The following PROM1 variants were observed in gnomAD, a reference collection of about 807,000 sequenced individuals.
PROM1 encodes the protein prominin 1, also known as prominin-1.
A neutral mutation model predicts 116.9 loss-of-function variants in PROM1; 105 were observed. The ratio of observed to expected loss-of-function variants is 0.90; its 90% CI spans 0.77 to 1.06. The LOEUF (loss-of-function observed/expected upper bound fraction) is 1.06. PROM1 is among the 50% of genes least tolerant of loss of function. The pLI, the probability that PROM1 is intolerant of heterozygous loss-of-function variation, is 0.00. For synonymous variants in PROM1, 393 were observed against 387.0 expected (o/e 1.02, Z -0.18); for missense variants, 1,122 against 1,045.2 (o/e 1.07, Z -1.01).
chr4:16,029,816 T>A (rs1732231718), intron 5 of PROM1, among the ~76,000 whole-genome samples: 1 of 152,242 alleles, frequency 6.6e-6, no homozygotes, highest in African/African-American at 2.4e-5. Context: ...AAGAATTTTT[T>A]AAAAATCACA....
intron 3 of PROM1, chr4:16,037,921 T>C (rs927715929): frequency 1.3e-5 from 2 of 152,238 alleles, no homozygotes; most frequent in African/African-American, 2.4e-5. Context: ...GAAAATACTA[T>C]GGATTCACTC....
chr4:16,049,208 T>C (rs758214363), intron 2 of PROM1, among the ~76,000 whole-genome samples: 1 of 152,254 alleles, frequency 6.6e-6, no homozygotes, highest in Non-Finnish European at 1.5e-5. Flanking sequence ...GTCCCTGCTG[T>C]TCCTGGGGGA....
intron 2 of PROM1, among the ~76,000 whole-genome samples, chr4:16,047,173 T>C (rs770231528): frequency 1.3e-5 from 2 of 152,082 alleles, no homozygotes; most frequent in Non-Finnish European, 2.9e-5. Flanking sequence ...TTTCAACTGA[T>C]TGGATGAGGC....
chr4:15,980,857 C>T (rs12649852), intron 23 of PROM1, among the ~76,000 whole-genome samples: 40,747 of 151,990 alleles, frequency 0.27, 5,586 homozygotes, highest in Admixed American at 0.34. Flanking sequence ...CTTCTAACCA[C>T]CCCAAACAGA....
intron 15 of PROM1, among the ~76,000 whole-genome samples, chr4:15,996,335 C>A (rs1343912531): frequency 6.6e-6 from 1 of 152,086 alleles, no homozygotes; most frequent in Admixed American, 6.5e-5. Flanking sequence ...CATGGTGAAA[C>A]CCCATCTCTA....
intron 16 of PROM1, among the ~76,000 whole-genome samples, chr4:15,992,599 A>T (rs1721350654): frequency 6.6e-6 from 1 of 152,184 alleles, no homozygotes; most frequent in Non-Finnish European, 1.5e-5. Flanking sequence ...TTTAAAAAAA[A>T]TTTTAAACAT....
intron 15 of PROM1, 81 bp from the exon 16 acceptor site, chr4:15,994,152 G>A: frequency 6.3e-7 from 1 of 1,590,006 alleles, no homozygotes; most frequent in Non-Finnish European, 8.6e-7. Context: ...GAGGAGAAAG[G>A]CTCACTGTTT....
Position 16,025,316 on chromosome 4 carries a change from C to T in PROM1, c.510-4G>A, listed in dbSNP as rs1205644502. On this transcript the variant is annotated splice_polypyrimidine_tract_variant and splice_region_variant and intron_variant, in intron 5 of 27. Coordinates refer to ENST00000447510, the MANE Select transcript of PROM1 (RefSeq NM_006017.3). ...AAAACCATAGAAGATGCCAATGCTG[C>T]AGGAAAAGGCAGAGAGAAGAAAGAG... The T allele has an allele frequency of 6.2e-7, 1 of 1,613,470 alleles. No individual in the cohort carries two copies. The highest frequency in any genetic ancestry group is 8.5e-7 in the Non-Finnish European group (1 of 1,179,528).
chr4:15,994,216 C>T (rs1313145984), intron 15 of PROM1, 145 bp from the exon 16 acceptor site: 8 of 1,470,084 alleles, frequency 5.4e-6, no homozygotes, highest in Middle Eastern at 1.9e-4. Context: ...CCAGTGGCCA[C>T]ACAAATCCCC....
chr4:16,020,756 C>A (rs1729649106), intron 8 of PROM1, among the ~76,000 whole-genome samples: 1 of 152,112 alleles, frequency 6.6e-6, no homozygotes, highest in African/African-American at 2.4e-5. Context: ...GCCATTCTAG[C>A]CCATGGATAA....
At chr4:16,013,578 A>G (rs1277014964) in intron 10 of PROM1, among the ~76,000 whole-genome samples, 1 of 152,228 alleles carries the variant, frequency 6.6e-6, no homozygotes, top group Non-Finnish European at 1.5e-5. Context: ...GGGGGTCCCC[A>G]TAATTTTAAA....
intron 26 of PROM1, among the ~76,000 whole-genome samples, chr4:15,976,691 G>C (rs1037081426): frequency 2.0e-5 from 3 of 152,238 alleles, no homozygotes; most frequent in Admixed American, 2.0e-4. Flanking sequence ...CTCAAAGGCT[G>C]TCTTGTCAAC....
intron 8 of PROM1, 72 bp from the exon 9 acceptor site, chr4:16,018,612 G>T: frequency 7.4e-7 from 1 of 1,359,094 alleles, no homozygotes; most frequent in South Asian, 1.3e-5. Context: ...TGTCTAAAGG[G>T]ACTTGGGATG....
intron 1 of PROM1, 147 bp downstream of exon 1, chr4:16,083,831 G>A (rs1318579369): frequency 6.6e-6 from 1 of 152,244 alleles, no homozygotes; most frequent in African/African-American, 2.4e-5. Flanking sequence ...AGGGGCTCAG[G>A]CGGCGCTGCG....
chr4:15,992,180 A>T, intron 17 of PROM1, 68 bp downstream of exon 17: 1 of 1,579,120 alleles, frequency 6.3e-7, no homozygotes, highest in Non-Finnish European at 8.6e-7. Flanking sequence ...AATCAAAAGC[A>T]AAACAGAAAT....
intron 13 of PROM1, among the ~76,000 whole-genome samples, chr4:16,004,138 T>G (rs548991932): frequency 6.6e-6 from 1 of 152,356 alleles, no homozygotes; most frequent in East Asian, 1.9e-4. Context: ...ACCAGATACC[T>G]CAAGAAGCAG....
intron 8 of PROM1, among the ~76,000 whole-genome samples, chr4:16,021,240 G>A (rs577406202): frequency 1.4e-4 from 21 of 152,074 alleles, no homozygotes; most frequent in Admixed American, 8.5e-4. Context: ...ACGAGGCACT[G>A]AAGAGAAAAA....
At chr4:16,004,832 TCTTC>T (rs561919636) in intron 13 of PROM1, among the ~76,000 whole-genome samples, 39,914 of 120,668 alleles carry the variant, frequency 0.33, 7,349 homozygotes, top group Middle Eastern at 0.37. Context: ...TCTTTCTTTT[TCTTC>T]CTTCCTTCCT....
At chr4:16,012,833 TGCATTCCAGCCTGAGC>T (rs930061840) in intron 11 of PROM1, among the ~76,000 whole-genome samples, 3 of 136,552 alleles carry the variant, frequency 2.2e-5, no homozygotes, top group African/African-American at 8.5e-5. Flanking sequence ...ATTGTGCCAC[TGCATTCCAGCCTGAGC>T]GACAGAGCGA....
Sources: gnomAD v4.1 joint callset for allele counts (sites outside exome capture counted in the v4.1 genomes callset) on GRCh38, gnomAD v4.1.1 for gene constraint, MANE v1.5 for transcripts, NCBI Gene and HGNC (gene_info 2026-07-23, HGNC 2026-07-21) for gene names.